MAP4: variants seen among roughly 807,000 people sequenced by gnomAD.
MAP4 encodes the protein microtubule associated protein 4.
In MAP4, 76 loss-of-function variants were observed where a neutral mutation model predicts 170.2. That is an observed-to-expected ratio of 0.45 (90% CI 0.37 to 0.54). The LOEUF (loss-of-function observed/expected upper bound fraction) is 0.54. MAP4 is among the 20% of genes least tolerant of loss of function. The probability of loss-of-function intolerance (pLI) is 0.00; values close to 1 mark genes in which losing one functional copy is unlikely to be tolerated. For synonymous variants in MAP4, 909 were observed against 994.5 expected, an observed-to-expected ratio of 0.91 and a Z score of 1.62; for missense variants, 2,506 against 2,748.0, an observed-to-expected ratio of 0.91 and a Z score of 1.97.
At chr3:47,937,552 GA>G (rs1490517410) in intron 3 of MAP4, among the ~76,000 whole-genome samples, 2 of 151,696 alleles carry the variant, frequency 1.3e-5, no homozygotes, top group Non-Finnish European at 2.9e-5. Flanking sequence ...AAATTAATCA[GA>G]AAATTATAGG....
At chr3:47,950,719 T>C (rs2100063153) in intron 3 of MAP4, among the ~76,000 whole-genome samples, 2 of 152,256 alleles carry the variant, frequency 1.3e-5, no homozygotes, top group East Asian at 1.9e-4. Flanking sequence ...TATTTGAATA[T>C]GTAACCTTTA....
At chr3:48,023,745 G>C (rs183062671) in intron 1 of MAP4, among the ~76,000 whole-genome samples, 138 of 152,206 alleles carry the variant, frequency 9.1e-4, no homozygotes, top group African/African-American at 3.2e-3. Context: ...TTTTGCAATT[G>C]ATGTATTTTT....
In MAP4 at chr3:47,852,689, G is replaced by C; in HGVS notation, c.*245C>G. The C allele has an allele frequency of 7.0e-7, 1 of 1,424,868 alleles. No individual in the cohort carries two copies. The highest frequency in any genetic ancestry group is 1.3e-5 in the South Asian group (1 of 74,082). The allele number at this position is 1,424,868 out of a possible 1,614,324, so 88.3% of individuals were successfully genotyped here. On this transcript the variant is annotated 3_prime_UTR_variant, in exon 21 of 21. Coordinates refer to ENST00000683076, the MANE Select transcript of MAP4 (RefSeq NM_001385682.1). ...GGGAGATGGGCCCAGGCTGGGGAGTGAGAGGAGGTGTGGGGCAGGGCTGCT... is the reference window on the plus strand; with the variant it reads ...GGGAGATGGGCCCAGGCTGGGGAGTCAGAGGAGGTGTGGGGCAGGGCTGCT...
At position 47,871,916 on chromosome 3, in the gene MAP4, C is replaced by T; in HGVS notation, c.5941+1G>A. On this transcript the variant is annotated splice_donor_variant, in intron 13 of 20. Transcript: ENST00000683076. LOFTEE classifies it high-confidence loss of function. The stretch of plus-strand genomic sequence containing the variant: ...CCATGGGAGAGAAAGGCAATACTCA[C>T]CAGTGGGCTTCTTGGGCAGGAGCGT... 6.2e-7 allele frequency: 1 copy of T among 1,608,382 alleles called. No individual in the cohort carries two copies. Among genetic ancestry groups the T allele is most frequent in the Non-Finnish European group, 8.5e-7 (1 of 1,176,030 alleles).
At chr3:47,856,611 G>C (rs566338214) in intron 18 of MAP4, among the ~76,000 whole-genome samples, 71 of 152,290 alleles carry the variant, frequency 4.7e-4, no homozygotes, top group African/African-American at 1.7e-3. Context: ...ATTTTTAGTA[G>C]AGACAGGGTT....
Position 47,872,112 on chromosome 3 carries a change from A to G in MAP4, c.5758-12T>C. 6.2e-7 allele frequency: 1 copy of G among 1,600,286 alleles called. No individual in the cohort carries two copies. The highest frequency in any genetic ancestry group is 8.5e-7 in the Non-Finnish European group (1 of 1,171,348). ...GCATCTGCAATGGGCTGGAAATAGG[A>G]AAGTGGGAATGAGGCCTGCAGGTCA... On this transcript the variant is annotated splice_polypyrimidine_tract_variant and intron_variant, in intron 12 of 20. Transcript: ENST00000683076.
chr3:47,892,734 A>G, intron 10 of MAP4: 2 of 1,335,048 alleles, frequency 1.5e-6, no homozygotes, highest in Non-Finnish European at 1.9e-6. Context: ...CTTTCTGCAC[A>G]ACAAAATGCT....
At chr3:48,027,466 T>C (rs1013513579) in intron 1 of MAP4, among the ~76,000 whole-genome samples, 137 of 152,166 alleles carry the variant, frequency 9.0e-4, no homozygotes, top group Non-Finnish European at 1.8e-4. Context: ...GGCCCCTTGG[T>C]GCAGTGGCCC....
At chr3:47,939,456 G>GCT (rs2100054962) in intron 3 of MAP4, among the ~76,000 whole-genome samples, 2 of 152,076 alleles carry the variant, frequency 1.3e-5, no homozygotes, top group South Asian at 4.1e-4. Flanking sequence ...TAAATAAGTT[G>GCT]CTATCAAATT....
chr3:48,088,220 C>G (rs1482274082), intron 1 of MAP4, among the ~76,000 whole-genome samples: 1 of 150,592 alleles, frequency 6.6e-6, no homozygotes, highest in East Asian at 2.0e-4. Flanking sequence ...CTGCCAGACA[C>G]ACGCTTTAGT....
At chr3:47,891,785 G>A (rs2100024133) in intron 10 of MAP4, 1 of 1,536,312 alleles carries the variant, frequency 6.5e-7, no homozygotes, top group Non-Finnish European at 8.7e-7. Flanking sequence ...GTGGGCTAGA[G>A]ACACCAGGAG....
chr3:47,892,754 T>G (rs2100024699), intron 10 of MAP4: 11 of 1,290,616 alleles, frequency 8.5e-6, no homozygotes, highest in Non-Finnish European at 1.1e-5. Flanking sequence ...TACTTTAATC[T>G]GAGAATGTAA....
At chr3:47,863,328 C>T (rs2071660833) in intron 17 of MAP4, among the ~76,000 whole-genome samples, 1 of 152,200 alleles carries the variant, frequency 6.6e-6, no homozygotes, top group Non-Finnish European at 1.5e-5. Context: ...TAATAAAGTC[C>T]ACCACCTCTA....
chr3:47,957,483 G>T (rs533312661), intron 3 of MAP4, among the ~76,000 whole-genome samples: 2 of 152,060 alleles, frequency 1.3e-5, no homozygotes, highest in African/African-American at 4.8e-5. Context: ...AAAAAAAGAT[G>T]TATTTTTAAA....
chr3:47,900,259 A>T (rs1434923756), intron 10 of MAP4, among the ~76,000 whole-genome samples: 1 of 152,214 alleles, frequency 6.6e-6, no homozygotes, highest in Admixed American at 6.5e-5. Flanking sequence ...ATACATACAT[A>T]AAGGTAAAAC....
chr3:47,966,253 T>TTC (rs2100074933), intron 3 of MAP4, among the ~76,000 whole-genome samples: 1 of 79,192 alleles, frequency 1.3e-5, no homozygotes, highest in Non-Finnish European at 2.4e-5. Flanking sequence ...TTTTTTTTTT[T>TTC]TTTTTTTTTT....
rs117839636 is a variant in MAP4 at position 47,911,145 on chromosome 3, C to G, written c.3276G>C (p.Lys1092Asn). Reference protein sequence around the residue: ...SELPFLLDSQKDGRAVLIPSE... With the variant: ...SELPFLLDSQNDGRAVLIPSE... The stretch of plus-strand genomic sequence containing the variant: ...TCGGTATGAGAACAGCCCTTCCGTC[C>G]TTCTGGCTGTCCAGAAGAAATGGCA... The change falls in exon 9 of 21, where the codon AAG (lysine) becomes AAC (asparagine). Residue 1092 changes from lysine (K) to asparagine (N), a missense_variant. Lys to Asn is a moderately conservative substitution (Grantham distance 94). Transcript: ENST00000683076. This position sits in a 1 kb window ranked among gnomAD's most constrained non-coding sequence, Gnocchi z 4.0. 1,345 of 1,536,134 alleles carry G rather than the reference C, an allele frequency of 8.8e-4. 23 individuals carry two copies. In the East Asian group the frequency reaches 0.03, roughly 34 times the overall value.
chr3:47,855,754 T>A lies in MAP4; in HGVS notation c.6584-394A>T, dbSNP rs1259546570. ...CAGTGCTTCTCAGGCACAGCCTCAC[T>A]GAATTCTCATGAATGCCCTGTCATC... On this transcript the variant is annotated intron_variant, in intron 18 of 20. Transcript: ENST00000683076. This position sits in a 1 kb window ranked among gnomAD's most constrained non-coding sequence, Gnocchi z 5.1. Among the ~76,000 whole-genome samples, 1 of 152,148 alleles carries A rather than the reference T, an allele frequency of 6.6e-6. No homozygotes were observed. Among genetic ancestry groups the A allele is most frequent in the Non-Finnish European group, 1.5e-5 (1 of 68,018 alleles).
chr3:48,060,032 A>G (rs961381026), intron 1 of MAP4, among the ~76,000 whole-genome samples: 1 of 152,276 alleles, frequency 6.6e-6, no homozygotes, highest in Admixed American at 6.5e-5. Flanking sequence ...TAAAATCCCA[A>G]TCATATCACA....
Sources: gnomAD v4.1 joint callset for allele counts (sites outside exome capture counted in the v4.1 genomes callset) on GRCh38, gnomAD v4.1.1 for gene constraint, Gnocchi (gnomAD v3.1) non-coding constraint, MANE v1.5 for transcripts, NCBI Gene and HGNC (gene_info 2026-07-23, HGNC 2026-07-21) for gene names.